Variants in NHSL1 observed in about 807,000 individuals in gnomAD.
NHSL1 encodes the protein NHS like 1.
In NHSL1, 48 loss-of-function variants were observed where a neutral mutation model predicts 95.0. The ratio of observed to expected loss-of-function variants is 0.51; its 90% CI spans 0.40 to 0.64. The LOEUF (loss-of-function observed/expected upper bound fraction) is 0.64, where lower values mean the gene tolerates loss of function less well. NHSL1 is among the 30% of genes least tolerant of loss of function. The probability of loss-of-function intolerance (pLI) is 0.00; values close to 1 mark genes in which losing one functional copy is unlikely to be tolerated. For synonymous variants in NHSL1, 783 were observed against 833.9 expected, an observed-to-expected ratio of 0.94 and a Z score of 1.05; for missense variants, 1,971 against 2,077.7, an observed-to-expected ratio of 0.95 and a Z score of 1.00.
rs562900245 is a variant in NHSL1, at chr6:138,596,310, C to T, written c.96+96166G>A. Among the ~76,000 whole-genome samples the T allele has an allele frequency of 5.3e-5, 8 of 152,262 alleles. No individual in the cohort carries two copies. The East Asian group carries it at 1.2e-3, about 22-fold the overall frequency. ...CAGGGTTCCCATCCACCAGCACTGACGCTACTTGGCAGTTTTGAATAAACA... is the reference window on the plus strand; with the variant it reads ...CAGGGTTCCCATCCACCAGCACTGATGCTACTTGGCAGTTTTGAATAAACA... On this transcript the variant is annotated intron_variant, in intron 1 of 3. Coordinates refer to the NHSL1 transcript ENST00000491526.
rs59064567 is a variant in NHSL1, at chr6:138,652,436, A to G, written c.96+40040T>C. ...GCCTGGGCAACAAGAGTGAAACTCT[A>G]TCTCAAAAAAAAAAAAAAAAAATTA... is the stretch of plus-strand genomic sequence containing the variant. On this transcript the variant is annotated intron_variant, in intron 1 of 3. Transcript: ENST00000491526. Among the ~76,000 whole-genome samples the G allele has an allele frequency of 6.9e-3, 1,032 of 148,838 alleles. 10 individuals carry two copies. Among genetic ancestry groups the G allele is most frequent in the African/African-American group, 0.023 (896 of 39,790 alleles).
intron 4 of NHSL1, among the ~76,000 whole-genome samples, chr6:138,443,032 TACACATATATATACATATATAC>T (rs899353037): frequency 1.3e-5 from 2 of 150,380 alleles, no homozygotes; most frequent in African/African-American, 5.0e-5. Flanking sequence ...CATATATATA[TACACATATATATACATATATAC>T]ACACACACAT....
chr6:138,608,835 C>T (rs543578423), intron 1 of NHSL1, among the ~76,000 whole-genome samples: 26 of 152,308 alleles, frequency 1.7e-4, no homozygotes, highest in African/African-American at 6.3e-4. Flanking sequence ...GACCATCCCT[C>T]CCTTTTAGGG....
intron 1 of NHSL1, among the ~76,000 whole-genome samples, chr6:138,535,390 C>T (rs529016345): frequency 6.6e-6 from 1 of 152,058 alleles, no homozygotes; most frequent in South Asian, 2.1e-4. Flanking sequence ...ACAGTAAAAC[C>T]CCACCTCGAC....
chr6:138,596,740 C>T (rs915560012), intron 1 of NHSL1, among the ~76,000 whole-genome samples: 1 of 151,636 alleles, frequency 6.6e-6, no homozygotes, highest in African/African-American at 2.4e-5. Flanking sequence ...AGTTCACGTC[C>T]GTTTCTCACC....
At chr6:138,614,240 T>A (rs1173785745) in intron 1 of NHSL1, among the ~76,000 whole-genome samples, 2 of 152,228 alleles carry the variant, frequency 1.3e-5, no homozygotes, top group Admixed American at 1.3e-4. Context: ...CCATTTGCTC[T>A]CTGACCTTCC....
chr6:138,435,692 G>A (rs1776036407), intron 5 of NHSL1, among the ~76,000 whole-genome samples: 1 of 150,538 alleles, frequency 6.6e-6, no homozygotes, highest in African/African-American at 2.4e-5. Context: ...TAGCTTTATT[G>A]TGCATTGCAG....
intron 1 of NHSL1, among the ~76,000 whole-genome samples, chr6:138,584,851 AT>A (rs1784109703): frequency 6.6e-6 from 1 of 152,112 alleles, no homozygotes. Context: ...TGTTCCAGAG[AT>A]TCTCCTTCCT....
chr6:138,678,311 C>T (rs1364533322), intron 1 of NHSL1, among the ~76,000 whole-genome samples: 1 of 152,128 alleles, frequency 6.6e-6, no homozygotes, highest in East Asian at 1.9e-4. Flanking sequence ...TGATAGGCAA[C>T]ACTAACAAAA....
intron 1 of NHSL1, among the ~76,000 whole-genome samples, chr6:138,530,455 T>C (rs1336912150): frequency 2.0e-5 from 3 of 152,200 alleles, no homozygotes; most frequent in Non-Finnish European, 4.4e-5. Context: ...GAGGTCATTA[T>C]ATGAAAAAGA....
In NHSL1 at chr6:138,454,612, G is replaced by T. The variant is rs559336764; in HGVS notation, c.340-7419C>A. Among the ~76,000 whole-genome samples the T allele has an allele frequency of 5.3e-5, 8 of 152,268 alleles. No homozygotes were observed. In the South Asian group the frequency reaches 1.7e-3, roughly 32 times the overall value. Reference sequence around the variant, plus strand: ...CTTGATTATGGTAATGGTCTCCTGTGTGTATACATATGTCAAAATTTATTA... The same window carrying T: ...CTTGATTATGGTAATGGTCTCCTGTTTGTATACATATGTCAAAATTTATTA... On this transcript the variant is annotated intron_variant, in intron 3 of 7. Coordinates refer to ENST00000343505, the MANE Select transcript of NHSL1 (RefSeq NM_001144060.2).
At chr6:138,642,071 C>G (rs937065865) in intron 1 of NHSL1, among the ~76,000 whole-genome samples, 1 of 143,388 alleles carries the variant, frequency 7.0e-6, no homozygotes, top group African/African-American at 2.7e-5. Context: ...ATATTATGTT[C>G]CCAAATTCAT....
intron 1 of NHSL1, among the ~76,000 whole-genome samples, chr6:138,545,002 T>C (rs2128327236): frequency 6.9e-6 from 1 of 145,936 alleles, no homozygotes; most frequent in South Asian, 2.3e-4. Flanking sequence ...TTTTTTTTTT[T>C]TTTTTGAGAC....
At chr6:138,501,234 C>T (rs528845682), upstream of NHSL1, among the ~76,000 whole-genome samples, 42 of 152,292 alleles carry the variant, frequency 2.8e-4, no homozygotes, top group Non-Finnish European at 4.7e-4. Context: ...AATATAGATT[C>T]GTTCATCAGA....
At chr6:138,567,753 T>C (rs780546860) in intron 1 of NHSL1, among the ~76,000 whole-genome samples, 9 of 152,150 alleles carry the variant, frequency 5.9e-5, no homozygotes, top group Non-Finnish European at 1.5e-5. Flanking sequence ...ATTTTTGTAG[T>C]GGCTGAGAAG....
At chr6:138,569,598 T>C (rs980071532) in intron 1 of NHSL1, among the ~76,000 whole-genome samples, 5 of 152,200 alleles carry the variant, frequency 3.3e-5, no homozygotes, top group Non-Finnish European at 7.3e-5. Context: ...AAGAAAAAAC[T>C]TCATTTCTGC....
chr6:138,543,936 C>T (rs1782681342), intron 1 of NHSL1, among the ~76,000 whole-genome samples: 1 of 152,140 alleles, frequency 6.6e-6, no homozygotes, highest in South Asian at 2.1e-4. Flanking sequence ...CGTAAAAGCA[C>T]TTAGTTGTCA....
chr6:138,683,668 T>A (rs1273797061), intron 1 of NHSL1, among the ~76,000 whole-genome samples: 1 of 152,194 alleles, frequency 6.6e-6, no homozygotes, highest in Non-Finnish European at 1.5e-5. Context: ...TTAGATCAGG[T>A]AACTGAGAGA....
chr6:138,585,556 T>C (rs1283658534), intron 1 of NHSL1, among the ~76,000 whole-genome samples: 4 of 152,120 alleles, frequency 2.6e-5, no homozygotes, highest in Non-Finnish European at 5.9e-5. Context: ...TTTTAAAAAA[T>C]TGAAAACTCC....
Sources: allele counts gnomAD v4.1 joint callset (sites outside exome capture counted in the v4.1 genomes callset), GRCh38; gene constraint gnomAD v4.1.1; transcripts MANE v1.5; gene names NCBI Gene and HGNC (gene_info 2026-07-23, HGNC 2026-07-21).